PRKN: variants seen among roughly 807,000 people sequenced by gnomAD.
The protein encoded by PRKN is parkin RBR E3 ubiquitin protein ligase, also known as E3 ubiquitin-protein ligase parkin.
A neutral mutation model predicts 59.5 loss-of-function variants in PRKN; 56 were observed. The ratio of observed to expected loss-of-function variants is 0.94; its 90% confidence interval spans 0.76 to 1.18. The LOEUF (loss-of-function observed/expected upper bound fraction) is 1.18. PRKN is among the 50% of genes most tolerant of loss of function. PRKN has a pLI of 0.00. For synonymous variants in PRKN, 250 were observed against 222.1 expected (o/e 1.13, Z -1.12); for missense variants, 657 against 596.4 (o/e 1.10, Z -1.06).
intron 4 of PRKN, among the ~76,000 whole-genome samples, chr6:162,122,507 T>C (rs574327252): frequency 6.6e-6 from 1 of 152,298 alleles, no homozygotes; most frequent in East Asian, 1.9e-4. Context: ...AATATCCTAG[T>C]CACGATATGG....
intron 4 of PRKN, among the ~76,000 whole-genome samples, chr6:162,163,771 T>G (rs1015879942): frequency 5.4e-5 from 8 of 147,416 alleles, no homozygotes; most frequent in Non-Finnish European, 6.0e-5. Flanking sequence ...GGGAGCGCCT[T>G]GCACATTTAT....
chr6:161,437,508 G>C (rs1426521233), intron 9 of PRKN, among the ~76,000 whole-genome samples: 1 of 152,156 alleles, frequency 6.6e-6, no homozygotes, highest in Non-Finnish European at 1.5e-5. Flanking sequence ...GGATAAGCGG[G>C]GACTCCTGTA....
intron 2 of PRKN, among the ~76,000 whole-genome samples, chr6:162,356,038 A>G (rs1228083261): frequency 6.6e-6 from 1 of 152,136 alleles, no homozygotes; most frequent in Admixed American, 6.6e-5. Context: ...ATACAGGGCT[A>G]TCTCAGACAT....
At chr6:162,344,943 G>A (rs144889151) in intron 2 of PRKN, among the ~76,000 whole-genome samples, 5 of 152,320 alleles carry the variant, frequency 3.3e-5, no homozygotes, top group Admixed American at 3.3e-4. Context: ...AATCAGTCCT[G>A]TATACTGTAT....
At chr6:161,598,930 T>C (rs2128142891) in intron 7 of PRKN, among the ~76,000 whole-genome samples, 1 of 152,314 alleles carries the variant, frequency 6.6e-6, no homozygotes, top group South Asian at 2.1e-4. Flanking sequence ...GATAAGGTCA[T>C]GAGGGTGGGC....
At chr6:162,203,234 C>G (rs1215757809) in intron 3 of PRKN, among the ~76,000 whole-genome samples, 1 of 152,158 alleles carries the variant, frequency 6.6e-6, no homozygotes, top group Non-Finnish European at 1.5e-5. Context: ...CCGAATGCTA[C>G]TACCTTCGCT....
chr6:162,375,925 T>G (rs556686689), intron 2 of PRKN, among the ~76,000 whole-genome samples: 1 of 152,254 alleles, frequency 6.6e-6, no homozygotes, highest in African/African-American at 2.4e-5. Context: ...GAGTCCCCTG[T>G]CTGTGCCCTG....
At chr6:162,470,697 T>C (rs1241286984) in intron 1 of PRKN, among the ~76,000 whole-genome samples, 1 of 152,324 alleles carries the variant, frequency 6.6e-6, no homozygotes, top group Admixed American at 6.5e-5. Flanking sequence ...TGGTGCTAGT[T>C]TGAGGCAAAG....
chr6:162,605,410 A>G (rs572508705), intron 1 of PRKN, among the ~76,000 whole-genome samples: 2 of 152,182 alleles, frequency 1.3e-5, no homozygotes, highest in African/African-American at 2.4e-5. Context: ...AATTTTATCA[A>G]TATCAACTAG....
At position 161,660,604 on chromosome 6, in the gene PRKN, G is replaced by A. The variant is rs1252108125; in HGVS notation, c.872-91188C>T. ...TTGTGAACAAAAGAAAAAACCAGAC[G>A]TGAACAGCGGCAGTGGCCTCACCTC... On this transcript the variant is annotated intron_variant, in intron 7 of 11. Transcript: ENST00000366898. 2.6e-5 allele frequency among the ~76,000 whole-genome samples: 4 copies of A among 152,128 alleles called. No homozygotes were observed. In the East Asian group the frequency reaches 5.8e-4, roughly 22 times the overall value.
At chr6:161,537,655 G>T (rs1018302865) in intron 9 of PRKN, among the ~76,000 whole-genome samples, 1 of 152,064 alleles carries the variant, frequency 6.6e-6, no homozygotes, top group African/African-American at 2.4e-5. Flanking sequence ...GTTTCACCAT[G>T]TTAGCCTGGA....
chr6:162,010,857 T>TA (rs1782582977), intron 5 of PRKN, among the ~76,000 whole-genome samples: 1 of 8,402 alleles, frequency 1.2e-4, no homozygotes, highest in African/African-American at 1.9e-3. Context: ...AATATTAATA[T>TA]ATATAATATA....
At chr6:161,858,172 G>C (rs1018906097) in intron 6 of PRKN, among the ~76,000 whole-genome samples, 1 of 152,208 alleles carries the variant, frequency 6.6e-6, no homozygotes, top group African/African-American at 2.4e-5. Flanking sequence ...TCACAAGTAA[G>C]AGATTTTAGT....
intron 9 of PRKN, among the ~76,000 whole-genome samples, chr6:161,455,190 C>G (rs1235576913): frequency 6.6e-6 from 1 of 152,020 alleles, no homozygotes; most frequent in African/African-American, 2.4e-5. Flanking sequence ...AGGCGCCTGC[C>G]ACCATGCCCG....
intron 2 of PRKN, among the ~76,000 whole-genome samples, chr6:162,421,503 T>C (rs988385384): frequency 1.3e-5 from 2 of 152,214 alleles, no homozygotes; most frequent in Non-Finnish European, 2.9e-5. Context: ...TAACCTATTA[T>C]GTACTCTTAG....
At chr6:162,525,614 G>C (rs973903575) in intron 1 of PRKN, among the ~76,000 whole-genome samples, 1 of 152,116 alleles carries the variant, frequency 6.6e-6, no homozygotes, top group African/African-American at 2.4e-5. Context: ...TTTAACGACT[G>C]TGTGTTCTCT....
rs982793144 is a variant in PRKN, at chr6:161,628,815, G to C, written c.872-59399C>G. ...CATTTGGCCCTGTGGGGATGTAGAG[G>C]CGCGTAATAGGCAGGCCCTTGAGGC... On this transcript the variant is annotated intron_variant, in intron 7 of 11. Coordinates refer to ENST00000366898, the MANE Select transcript of PRKN (RefSeq NM_004562.3). Among the ~76,000 whole-genome samples, 74 of 152,200 alleles carry C rather than the reference G, an allele frequency of 4.9e-4. 1 individual carries two copies. Among genetic ancestry groups the C allele is most frequent in the African/African-American group, 1.7e-3 (71 of 41,450 alleles).
chr6:162,583,367 G>C (rs1780864407), intron 1 of PRKN, among the ~76,000 whole-genome samples: 1 of 152,334 alleles, frequency 6.6e-6, no homozygotes, highest in Middle Eastern at 3.4e-3. Flanking sequence ...GAAGTGACCA[G>C]CTAGGACAGA....
intron 5 of PRKN, among the ~76,000 whole-genome samples, chr6:162,014,487 T>C (rs1782858409): frequency 1.3e-5 from 2 of 152,138 alleles, no homozygotes; most frequent in African/African-American, 4.8e-5. Context: ...CTTTGAGCTC[T>C]CTTCACCTGG....
Sources: allele counts gnomAD v4.1 joint callset (sites outside exome capture counted in the v4.1 genomes callset), GRCh38; gene constraint gnomAD v4.1.1; transcripts MANE v1.5; gene names NCBI Gene and HGNC (gene_info 2026-07-23, HGNC 2026-07-21).